The following DPP6 variants were observed in gnomAD, a reference collection of about 807,000 sequenced individuals.
The protein encoded by DPP6 is dipeptidyl peptidase like 6, also known as A-type potassium channel modulatory protein DPP6.
Under a neutral mutation model 122.6 loss-of-function variants are expected in DPP6, and 69 were observed. That is an observed-to-expected ratio of 0.56 (90% CI 0.46 to 0.69). The LOEUF is 0.69. Among genes scored for constraint, DPP6 ranks in the 30% least tolerant of loss-of-function variants. DPP6 has a pLI of 0.00. For missense variants in DPP6, 928 were observed against 1,116.9 expected, an observed-to-expected ratio of 0.83 and a Z score of 2.41; for synonymous variants, 418 against 433.1, an observed-to-expected ratio of 0.97 and a Z score of 0.43.
rs568427044 is a variant in DPP6, at chr7:154,513,026, A to G, written c.458-27506A>G. 1.4e-4 allele frequency among the ~76,000 whole-genome samples: 21 copies of G among 152,290 alleles called. No homozygotes were observed. The South Asian group carries it at 4.1e-3, about 30-fold the overall frequency. On this transcript the variant is annotated intron_variant, in intron 3 of 25. Coordinates refer to ENST00000377770, the MANE Select transcript of DPP6 (RefSeq NM_130797.4). ...TAAAAATACAATCTATTCTATTGAA[A>G]AGGTCTTTAGAGCATCCTTCCAGTA... is the stretch of plus-strand genomic sequence containing the variant.
chr7:154,608,341 A>ATATATATATATATATATATT (rs1468792635), intron 5 of DPP6, among the ~76,000 whole-genome samples: 1 of 123,196 alleles, frequency 8.1e-6, no homozygotes. Flanking sequence ...ATATATATAT[A>ATATATATATATATATATATT]TTTTGAGATG....
At chr7:153,845,961 C>A in the DPP6 span, among the ~76,000 whole-genome samples, 12 of 152,016 alleles carry the variant, frequency 7.9e-5, no homozygotes, top group African/African-American at 2.9e-4. Context: ...TAAATAATTT[C>A]ATCTAATGAT....
intron 7 of DPP6, among the ~76,000 whole-genome samples, chr7:154,696,694 A>G (rs530568197): frequency 6.6e-6 from 1 of 152,254 alleles, no homozygotes; most frequent in South Asian, 2.1e-4. Context: ...TTCCTCTAAT[A>G]TGGATATCAA....
chr7:154,304,340 A>C (rs1806111513), intron 1 of DPP6, among the ~76,000 whole-genome samples: 1 of 152,208 alleles, frequency 6.6e-6, no homozygotes, highest in South Asian at 2.1e-4. Flanking sequence ...CACTTTCCTT[A>C]GAGTTTGCCA....
intron 1 of DPP6, among the ~76,000 whole-genome samples, chr7:154,384,540 G>A (rs535925017): frequency 7.2e-5 from 11 of 152,232 alleles, no homozygotes; most frequent in South Asian, 2.1e-4. Context: ...CTCACAGGCC[G>A]ATGAGGGTGA....
intron 8 of DPP6, among the ~76,000 whole-genome samples, chr7:154,750,961 G>C (rs375826846): frequency 6.6e-6 from 1 of 152,214 alleles, no homozygotes; most frequent in Non-Finnish European, 1.5e-5. Context: ...AGAGCACGTA[G>C]ATTTCAGAGC....
At chr7:154,152,515 G>A (rs1180299761) in intron 1 of DPP6, among the ~76,000 whole-genome samples, 1 of 152,178 alleles carries the variant, frequency 6.6e-6, no homozygotes, top group Non-Finnish European at 1.5e-5. Flanking sequence ...GATGCCTCTT[G>A]TATGGAAAAT....
intron 1 of DPP6, among the ~76,000 whole-genome samples, chr7:154,315,299 G>T (rs1482017712): frequency 6.6e-6 from 1 of 152,148 alleles, no homozygotes; most frequent in Non-Finnish European, 1.5e-5. Context: ...ACACATTGGG[G>T]GTTTGGCCCA....
At chr7:154,838,211 G>A (rs941088469) in intron 16 of DPP6, among the ~76,000 whole-genome samples, 3 of 152,222 alleles carry the variant, frequency 2.0e-5, no homozygotes, top group Admixed American at 6.5e-5. Flanking sequence ...CCAGCTAGAC[G>A]ATGTCAGGAA....
intron 3 of DPP6, among the ~76,000 whole-genome samples, chr7:154,519,950 A>G (rs1234904352): frequency 1.3e-5 from 2 of 152,236 alleles, no homozygotes; most frequent in Non-Finnish European, 2.9e-5. Context: ...AATGCTAAAC[A>G]TAGCTGATCT....
intron 1 of DPP6, among the ~76,000 whole-genome samples, chr7:153,910,007 T>G (rs1480657319): frequency 6.6e-6 from 1 of 152,124 alleles, no homozygotes; most frequent in Non-Finnish European, 1.5e-5. Flanking sequence ...ACCCTCTCTC[T>G]CCTATGGAGA....
intron 1 of DPP6, among the ~76,000 whole-genome samples, chr7:153,933,723 A>G (rs1044458185): frequency 1.3e-5 from 2 of 152,268 alleles, no homozygotes; most frequent in Non-Finnish European, 1.5e-5. Flanking sequence ...ACACACCTGC[A>G]TAGAAACACA....
At chr7:154,797,192 A>G (rs1297479562) in intron 12 of DPP6, among the ~76,000 whole-genome samples, 1 of 152,244 alleles carries the variant, frequency 6.6e-6, no homozygotes, top group African/African-American at 2.4e-5. Context: ...ACCAATATTT[A>G]TGGATCTTAC....
At chr7:154,091,986 A>G (rs187059703) in intron 1 of DPP6, among the ~76,000 whole-genome samples, 301 of 152,170 alleles carry the variant, frequency 2.0e-3, no homozygotes, top group African/African-American at 6.9e-3. Context: ...GTTCTCAACA[A>G]TTTCCAGGAT....
At position 153,900,822 on chromosome 7, in the gene DPP6, T is replaced by C. The variant is rs565072847; in HGVS notation, c.51+13088T>C. Among the ~76,000 whole-genome samples the C allele has an allele frequency of 3.9e-5, 6 of 152,214 alleles. No individual in the cohort carries two copies. In the South Asian group the frequency reaches 8.3e-4, roughly 21 times the overall value. On this transcript the variant is annotated intron_variant, in intron 1 of 25. Coordinates refer to the DPP6 transcript ENST00000404039. Reference sequence around the variant, plus strand: ...TTTTCAGCCTTATCCGTAGCACGCTTTATGGTAGCAAAGAGGTCTACAAGC... The same window carrying C: ...TTTTCAGCCTTATCCGTAGCACGCTCTATGGTAGCAAAGAGGTCTACAAGC...
chr7:154,697,230 T>C (rs34983690), intron 7 of DPP6, among the ~76,000 whole-genome samples: 27,911 of 152,162 alleles, frequency 0.18, 3,443 homozygotes, highest in African/African-American at 0.35. Context: ...GTTGGCTTCA[T>C]ATCCAACTTG....
chr7:154,210,733 G>C (rs866513714), intron 1 of DPP6, among the ~76,000 whole-genome samples: 3 of 151,944 alleles, frequency 2.0e-5, no homozygotes, highest in Non-Finnish European at 4.4e-5. Flanking sequence ...TGAAAATTGA[G>C]GTCTGTCCAG....
intron 1 of DPP6, among the ~76,000 whole-genome samples, chr7:153,960,704 A>C (rs199503760): frequency 7.6e-5 from 9 of 118,638 alleles, no homozygotes; most frequent in Admixed American, 6.6e-4. Context: ...TGTGTGTGTG[A>C]ATGTGTGTGC....
At chr7:153,943,855 G>T (rs1237024851) in intron 1 of DPP6, among the ~76,000 whole-genome samples, 3 of 86,968 alleles carry the variant, frequency 3.4e-5, no homozygotes. Flanking sequence ...CCCCGAGTCT[G>T]AGTGATGCTC....
Sources: allele counts gnomAD v4.1 joint callset (sites outside exome capture counted in the v4.1 genomes callset), GRCh38; gene constraint gnomAD v4.1.1; transcripts MANE v1.5; gene names NCBI Gene and HGNC (gene_info 2026-07-23, HGNC 2026-07-21).